CLGN: variants seen among roughly 807,000 people sequenced by gnomAD.
CLGN encodes calmegin.
A neutral mutation model predicts 79.1 loss-of-function variants in CLGN; 62 were observed. The observed-to-expected ratio is 0.78, with a 90% CI of 0.64 to 0.97. The LOEUF (loss-of-function observed/expected upper bound fraction) is 0.97, where lower values mean the gene tolerates loss of function less well. Among genes scored for constraint, CLGN ranks in the 50% least tolerant of loss-of-function variants. CLGN has a pLI of 0.00. For synonymous variants in CLGN, 225 were observed against 224.7 expected (o/e 1.00, Z -0.01); for missense variants, 647 against 715.5 (o/e 0.90, Z 1.09).
intron 4 of CLGN, among the ~76,000 whole-genome samples, chr4:140,407,341 G>A (rs1283912266): frequency 6.6e-6 from 1 of 152,056 alleles, no homozygotes; most frequent in Non-Finnish European, 1.5e-5. Flanking sequence ...AATCTGGCAA[G>A]AGAAAGAAAT....
At chr4:140,406,991 C>T (rs1489055622) in intron 4 of CLGN, among the ~76,000 whole-genome samples, 1 of 152,076 alleles carries the variant, frequency 6.6e-6, no homozygotes, top group East Asian at 1.9e-4. Flanking sequence ...ACTTTTGAAT[C>T]ACAAATGCTC....
At chr4:140,396,320 T>C in intron 8 of CLGN, 115 bp from the exon 9 acceptor site, 1 of 891,012 alleles carries the variant, frequency 1.1e-6, no homozygotes. Context: ...GCCTGTTATT[T>C]GTCCTCATCT....
At chr4:140,415,017 C>G (rs1009150183) in intron 1 of CLGN, among the ~76,000 whole-genome samples, 3 of 151,776 alleles carry the variant, frequency 2.0e-5, no homozygotes, top group African/African-American at 7.3e-5. Flanking sequence ...AGAAACCCTA[C>G]AAGCCAGAAG....
chr4:140,393,741 A>T, intron 11 of CLGN, 85 bp downstream of exon 11: 1 of 1,146,120 alleles, frequency 8.7e-7, no homozygotes, highest in Non-Finnish European at 1.3e-6. Flanking sequence ...ATTTGCATTT[A>T]AAAGAGCCAT....
intron 13 of CLGN, among the ~76,000 whole-genome samples, chr4:140,391,904 T>A (rs1353175864): frequency 6.6e-6 from 1 of 151,844 alleles, no homozygotes; most frequent in Non-Finnish European, 1.5e-5. Flanking sequence ...TCTATCACCC[T>A]CCATCTCATC....
Position 140,392,387 on chromosome 4 carries a change from G to GTTAA in CLGN, c.1492-13_1492-10dup. The stretch of plus-strand genomic sequence containing the variant: ...GTATCTTTATGTTTTTTCTGTGGTA[G>GTTAA]TTAACATAAGTTATTTTTACTAAAG... On this transcript the variant is annotated splice_polypyrimidine_tract_variant and intron_variant, in intron 12 of 14. Transcript: ENST00000325617. 1 of 1,576,290 alleles carries GTTAA rather than the reference G, an allele frequency of 6.3e-7. No individual in the cohort carries two copies. Among genetic ancestry groups the GTTAA allele is most frequent in the Non-Finnish European group, 8.6e-7 (1 of 1,167,068 alleles).
At chr4:140,403,607 T>G (rs1729037597) in intron 5 of CLGN, among the ~76,000 whole-genome samples, 1 of 152,206 alleles carries the variant, frequency 6.6e-6, no homozygotes, top group South Asian at 2.1e-4. Context: ...TATAATAGAT[T>G]ATCTCAGGAC....
intron 2 of CLGN, 62 bp downstream of exon 2, chr4:140,412,873 G>T: frequency 7.4e-7 from 1 of 1,356,472 alleles, no homozygotes; most frequent in East Asian, 2.4e-5. Flanking sequence ...ATCACCAGAG[G>T]TCAATCACTT....
At chr4:140,412,398 C>G (rs1441409200) in intron 2 of CLGN, among the ~76,000 whole-genome samples, 1 of 152,012 alleles carries the variant, frequency 6.6e-6, no homozygotes, top group Non-Finnish European at 1.5e-5. Context: ...TACAAAAATC[C>G]CTGCAATTTC....
At chr4:140,392,130 C>A in intron 13 of CLGN, 89 bp downstream of exon 13, 6 of 1,396,568 alleles carry the variant, frequency 4.3e-6, no homozygotes, top group South Asian at 1.4e-5. Context: ...TGATAATAAA[C>A]AAGTATAATA....
chr4:140,413,025 A>T lies in CLGN; in HGVS notation c.54T>A (p.Asn18Lys), dbSNP rs1469160090. The T allele has an allele frequency of 1.2e-6, 2 of 1,613,344 alleles. No individual in the cohort carries two copies. ...LCLGLLFISI[N>K]AEFMDDDVET... ...CAACATCATCATCCATAAATTCTGC[A>T]TTAATTGAGATGAACAGAAGACCCA... The change falls in exon 2 of 15, where the codon AAT (asparagine) becomes AAA (lysine). Residue 18 changes from asparagine to lysine, a missense_variant. Transcript: ENST00000325617.
At chr4:140,400,984 A>G (rs1728988727) in intron 6 of CLGN, among the ~76,000 whole-genome samples, 2 of 152,142 alleles carry the variant, frequency 1.3e-5, no homozygotes, top group African/African-American at 4.8e-5. Context: ...AGACATAAAA[A>G]CAGACACGAG....
chr4:140,392,146 T>C (rs1728784001), intron 13 of CLGN, 73 bp downstream of exon 13: 1 of 1,481,860 alleles, frequency 6.7e-7, no homozygotes, highest in African/African-American at 1.4e-5. Context: ...TAATAACTAG[T>C]TATTTCAAGG....
Position 140,405,186 on chromosome 4 carries a change from T to A in CLGN, c.419+756A>T, listed in dbSNP as rs1383512830. Among the ~76,000 whole-genome samples, 305 of 94,262 alleles carry A rather than the reference T, an allele frequency of 3.2e-3. 6 individuals are homozygous for A. Among genetic ancestry groups the A allele is most frequent in the Non-Finnish European group, 5.3e-3 (188 of 35,362 alleles). The allele number at this position is 94,262 out of a possible 152,430, so 61.8% of individuals were successfully genotyped here. A position where few individuals can be genotyped will look rare whatever the true frequency, so the allele number is the denominator to read the frequency against. On this transcript the variant is annotated intron_variant, in intron 5 of 14. Coordinates refer to ENST00000325617, the MANE Select transcript of CLGN (RefSeq NM_004362.3). ...GTAATTTTTTTTATTTTTATTTTTTTTTTTATTTTTTTTTTTGAGACGGAG... is the reference window on the plus strand; with the variant it reads ...GTAATTTTTTTTATTTTTATTTTTTATTTTATTTTTTTTTTTGAGACGGAG...
In CLGN at chr4:140,402,038, C is replaced by G; in HGVS notation, c.448G>C (p.Asp150His). ...QYEVNFQDGI[D>H]CGGAYIKLLA... is the part of the protein sequence containing the mutation. ...AGTTTAATGTATGCACCTCCACAAT[C>G]AATACCATCTTGAAAATTTACTTCA... is the stretch of plus-strand genomic sequence containing the variant. Residue 150 changes from aspartate to histidine, a missense_variant, in exon 6 of 15, where the codon GAT becomes CAT. Asp to His is a moderately conservative substitution (Grantham distance 81). Coordinates refer to ENST00000325617, the MANE Select transcript of CLGN (RefSeq NM_004362.3). 1.3e-6 allele frequency: 2 copies of G among 1,580,618 alleles called. No individual in the cohort carries two copies. Among genetic ancestry groups the G allele is most frequent in the Non-Finnish European group, 1.7e-6 (2 of 1,160,674 alleles).
intron 13 of CLGN, 41 bp from the exon 14 acceptor site, chr4:140,390,769 T>C (rs768874259): frequency 7.3e-7 from 1 of 1,371,902 alleles, no homozygotes; most frequent in Non-Finnish European, 1.0e-6. Context: ...CTCAATAAAT[T>C]AGAATTTTGC....
At chr4:140,403,270 G>A (rs1265951634) in intron 5 of CLGN, among the ~76,000 whole-genome samples, 2 of 152,076 alleles carry the variant, frequency 1.3e-5, no homozygotes, top group Non-Finnish European at 2.9e-5. Context: ...GTCTCTATTT[G>A]CTCATCTATA....
At chr4:140,421,694 A>T (rs1373227143) in intron 1 of CLGN, among the ~76,000 whole-genome samples, 1 of 152,084 alleles carries the variant, frequency 6.6e-6, no homozygotes, top group African/African-American at 2.4e-5. Flanking sequence ...CAAATTCTGG[A>T]TACTGACCCC....
rs1553944651 is a variant in CLGN at position 140,396,907 on chromosome 4, G to GTATATATATATATATGTA, written c.885-703_885-702insTACATATATATATATATA. Among the ~76,000 whole-genome samples, 32 of 117,346 alleles carry GTATATATATATATATGTA rather than the reference G, an allele frequency of 2.7e-4. No individual in the cohort carries two copies. In the East Asian group the frequency reaches 4.5e-3, roughly 16 times the overall value. The allele number at this position is 117,346 out of a possible 152,430, so 77.0% of individuals were successfully genotyped here. A position where few individuals can be genotyped will look rare whatever the true frequency, so the allele number is the denominator to read the frequency against. On this transcript the variant is annotated intron_variant, in intron 8 of 14. Transcript: ENST00000325617. ...TATATATATGTATATATATATATAT[G>GTATATATATATATATGTA]TATATATATATATATACACATATAT...
Sources: allele counts gnomAD v4.1 joint callset (sites outside exome capture counted in the v4.1 genomes callset), GRCh38; gene constraint gnomAD v4.1.1; transcripts MANE v1.5; gene names NCBI Gene and HGNC (gene_info 2026-07-23, HGNC 2026-07-21).